Variants in POC1A observed in about 807,000 individuals in gnomAD.
The protein encoded by POC1A is POC1 centriolar protein A.
A neutral mutation model predicts 47.8 loss-of-function variants in POC1A; 34 were observed. The ratio of observed to expected loss-of-function variants is 0.71; its 90% CI spans 0.54 to 0.95. The LOEUF (loss-of-function observed/expected upper bound fraction) is 0.95. Ranked by LOEUF, POC1A falls within the 40% of genes least tolerant of loss-of-function variation. The pLI, the probability that POC1A is intolerant of heterozygous loss-of-function variation, is 0.00. For synonymous variants in POC1A, 177 were observed against 207.6 expected (o/e 0.85, Z 1.27); for missense variants, 466 against 528.3 (o/e 0.88, Z 1.16).
chr3:52,076,735 A>C (rs1702126123), intron 10 of POC1A, among the ~76,000 whole-genome samples: 3 of 152,258 alleles, frequency 2.0e-5, no homozygotes. Flanking sequence ...CATGCTTGTC[A>C]GAGTGCTTGT....
rs1326043515 is a variant in POC1A at position 52,151,063 on chromosome 3, C to T, written c.56G>A (p.Arg19Gln). 8.7e-6 allele frequency: 14 copies of T among 1,613,838 alleles called. No homozygotes were observed. The Admixed American group carries it at 1.3e-4, about 15-fold the overall frequency. Residue 19 changes from arginine (R) to glutamine (Q), a missense_variant, in exon 2 of 11, where the codon CGA becomes CAA. Transcript: ENST00000296484. ...GAAGTCCACACAGGTAACTGCATCT[C>T]GGTGGCCCTTAAAATGCCTTTCCAG... ...PSLERHFKGHRDAVTCVDFSI... is the reference protein window; with the variant it reads ...PSLERHFKGHQDAVTCVDFSI...
chr3:52,098,387 G>T (rs772585652), intron 9 of POC1A, among the ~76,000 whole-genome samples: 22 of 152,198 alleles, frequency 1.4e-4, no homozygotes, highest in Non-Finnish European at 2.6e-4. Context: ...GCCCAGAAAT[G>T]GACAGTGCTG....
Position 52,122,418 on chromosome 3 carries a change from C to T in POC1A, c.942G>A (p.Pro314=), listed in dbSNP as rs1162601416. 9 of 1,612,920 alleles carry T rather than the reference C, an allele frequency of 5.6e-6. No homozygotes were observed. The highest frequency in any genetic ancestry group is 1.6e-4 in the Middle Eastern group (1 of 6,082). ...AGCTGGCCAGTGTGGCTGGGGGCCT[C>T]GGCACTTTCGTGACTTCTCCATGAT... ...IVDHGEVTKV[P]RPPATLASSM... Residue 314 remains proline (P), a synonymous_variant, in exon 9 of 11, where the codon CCG becomes CCA. Coordinates refer to ENST00000296484, the MANE Select transcript of POC1A (RefSeq NM_015426.5).
rs867464377 is a variant in POC1A at position 52,084,349 on chromosome 3, A to G, written c.1126-8364T>C. 6.6e-6 allele frequency among the ~76,000 whole-genome samples: 1 copy of G among 152,174 alleles called. No individual in the cohort carries two copies. The highest frequency in any genetic ancestry group is 2.1e-4 in the South Asian group (1 of 4,826). ...TGGGCAAACATGGCAGGGAAGCTGG[A>G]GCCGTAACTTCTCCAAAACTGAGGA... On this transcript the variant is annotated intron_variant, in intron 10 of 10. Coordinates refer to ENST00000296484, the MANE Select transcript of POC1A (RefSeq NM_015426.5). The surrounding 1 kb of genome is among the most constrained non-coding windows in gnomAD (Gnocchi z 4.3).
intron 10 of POC1A, among the ~76,000 whole-genome samples, chr3:52,077,509 C>A (rs1355182319): frequency 6.6e-6 from 1 of 152,220 alleles, no homozygotes; most frequent in Non-Finnish European, 1.5e-5. Flanking sequence ...TGGACAGAGC[C>A]TGGAAAAATT....
chr3:52,149,489 A>C (rs909413044), intron 3 of POC1A, 100 bp from the exon 4 acceptor site: 2 of 1,126,606 alleles, frequency 1.8e-6, no homozygotes, highest in Non-Finnish European at 1.3e-6. Flanking sequence ...CCCCTCCCAA[A>C]GTCAGTCAAG....
intron 6 of POC1A, among the ~76,000 whole-genome samples, chr3:52,140,439 G>A (rs1324157960): frequency 1.3e-5 from 2 of 152,158 alleles, no homozygotes; most frequent in East Asian, 1.9e-4. Context: ...AGGAACAGCC[G>A]GTGGCAGGAG....
At chr3:52,143,429 T>A (rs972399435) in intron 6 of POC1A, among the ~76,000 whole-genome samples, 1 of 152,040 alleles carries the variant, frequency 6.6e-6, no homozygotes, top group African/African-American at 2.4e-5. Context: ...ACAACCCTCT[T>A]CACAAGACCC....
In POC1A at chr3:52,084,444, C is replaced by T. The variant is rs982417890; in HGVS notation, c.1126-8459G>A. ...CATTCACTCCCATACCTCTGTCAGG[C>T]ACCCACCACAGGCAGCAAACAAGGG... On this transcript the variant is annotated intron_variant, in intron 10 of 10. Coordinates refer to ENST00000296484, the MANE Select transcript of POC1A (RefSeq NM_015426.5). The surrounding 1 kb of genome is among the most constrained non-coding windows in gnomAD (Gnocchi z 4.3). 2.0e-5 allele frequency among the ~76,000 whole-genome samples: 3 copies of T among 152,204 alleles called. No homozygotes were observed. Among genetic ancestry groups the T allele is most frequent in the African/African-American group, 7.2e-5 (3 of 41,452 alleles).
At chr3:52,122,648 C>G (rs533715397) in intron 8 of POC1A, among the ~76,000 whole-genome samples, 171 bp from the exon 9 acceptor site, 15 of 152,324 alleles carry the variant, frequency 9.8e-5, no homozygotes, top group Admixed American at 9.8e-4. Context: ...CCCTGGGGAG[C>G]AGGCTTTGTG....
At chr3:52,099,028 G>C (rs947278493) in intron 9 of POC1A, among the ~76,000 whole-genome samples, 1 of 152,160 alleles carries the variant, frequency 6.6e-6, no homozygotes, top group Non-Finnish European at 1.5e-5. Context: ...AGGTGACATT[G>C]ACTGCAGCTG....
intron 10 of POC1A, among the ~76,000 whole-genome samples, chr3:52,091,721 C>T (rs1702653739): frequency 6.6e-6 from 1 of 152,194 alleles, no homozygotes; most frequent in Non-Finnish European, 1.5e-5. Context: ...TCCTGTCATT[C>T]CTGTGCCACA....
Position 52,147,089 on chromosome 3 carries a change from G to A in POC1A, c.462C>T (p.Ser154=), listed in dbSNP as rs1377810594. 4 of 1,613,586 alleles carry A rather than the reference G, an allele frequency of 2.5e-6. No individual in the cohort carries two copies. Among genetic ancestry groups the A allele is most frequent in the Admixed American group, 3.3e-5 (2 of 60,004 alleles). Residue 154 remains serine, a synonymous_variant, in exon 5 of 11, where the codon TCC becomes TCT. Transcript: ENST00000296484. ...CAGACACGATGAGCCGCCCGTCGGG[G>A]GAGAACCTGAACCGGGTGGGGCACA... ...HINWVRCAKF[S]PDGRLIVSAS... is the part of the protein sequence containing the mutation.
chr3:52,090,714 G>A lies in POC1A; in HGVS notation c.1125+5855C>T, dbSNP rs1344260076. 6.6e-6 allele frequency among the ~76,000 whole-genome samples: 1 copy of A among 151,840 alleles called. No homozygotes were observed. Among genetic ancestry groups the A allele is most frequent in the East Asian group, 1.9e-4 (1 of 5,174 alleles). On this transcript the variant is annotated intron_variant, in intron 10 of 10. Transcript: ENST00000296484. This position sits in a 1 kb window ranked among gnomAD's most constrained non-coding sequence, Gnocchi z 4.2. ...CTAGATCACCTGGCATCACCCCCAA[G>A]AGCACAAGGGGAAACAGTACCAGGG...
intron 8 of POC1A, among the ~76,000 whole-genome samples, chr3:52,122,986 G>C (rs1224487119): frequency 6.6e-6 from 1 of 152,268 alleles, no homozygotes; most frequent in African/African-American, 2.4e-5. Flanking sequence ...ACTGTGAGAA[G>C]TGGTTAACAC....
intron 6 of POC1A, among the ~76,000 whole-genome samples, chr3:52,139,209 G>A (rs1174293024): frequency 6.6e-6 from 1 of 152,130 alleles, no homozygotes; most frequent in Non-Finnish European, 1.5e-5. Context: ...GGTACTGTGC[G>A]GATGCTACTA....
At chr3:52,117,187 CA>C (rs751503158) in intron 9 of POC1A, among the ~76,000 whole-genome samples, 2,292 of 129,044 alleles carry the variant, frequency 0.018, 34 homozygotes, top group African/African-American at 0.05. Context: ...GACTCTGTCT[CA>C]AAAAAAAAAA....
In POC1A at chr3:52,149,341, A is replaced by G. The variant is rs771404938; in HGVS notation, c.324T>C (p.Ser108=). The G allele has an allele frequency of 7.4e-6, 12 of 1,613,766 alleles. No individual in the cohort carries two copies. Among genetic ancestry groups the G allele is most frequent in the African/African-American group, 2.7e-5 (2 of 74,798 alleles). ...ACTGGCCATCACTGCAGAAGTGGAC[A>G]CTCCTCACTGTGGCTGTGTGTGCAC... is the stretch of plus-strand genomic sequence containing the variant. ...VFRAHTATVR[S]VHFCSDGQSF... is the part of the protein sequence containing the mutation. The change falls in exon 4 of 11, where the codon AGT becomes AGC. Residue 108 remains serine, a synonymous_variant. Coordinates refer to ENST00000296484, the MANE Select transcript of POC1A (RefSeq NM_015426.5).
intron 9 of POC1A, among the ~76,000 whole-genome samples, chr3:52,098,936 G>T (rs1199827027): frequency 6.6e-6 from 1 of 152,112 alleles, no homozygotes; most frequent in African/African-American, 2.4e-5. Context: ...TAAGTAACTT[G>T]TTCTAAGTTA....
Sources: gnomAD v4.1 joint callset for allele counts (sites outside exome capture counted in the v4.1 genomes callset) on GRCh38, gnomAD v4.1.1 for gene constraint, Gnocchi (gnomAD v3.1) non-coding constraint, MANE v1.5 for transcripts, NCBI Gene and HGNC (gene_info 2026-07-23, HGNC 2026-07-21) for gene names.